The following CACNA2D3 variants were observed in gnomAD, a reference collection of about 807,000 sequenced individuals.
The protein encoded by CACNA2D3 is voltage-dependent calcium channel subunit alpha-2/delta-3.
CACNA2D3 carries 60 observed loss-of-function variants against 160.6 expected under a neutral mutation model. The observed-to-expected ratio is 0.37, with a 90% CI of 0.30 to 0.46. CACNA2D3 has a LOEUF of 0.46. Ranked by LOEUF, CACNA2D3 falls within the 20% of genes least tolerant of loss-of-function variation. The pLI is 1.00. For missense variants in CACNA2D3, 1,205 were observed against 1,365.0 expected (o/e 0.88, Z 1.85); for synonymous variants, 558 against 492.9 (o/e 1.13, Z -1.75).
At chr3:54,269,946 T>A (rs528388590) in intron 2 of CACNA2D3, among the ~76,000 whole-genome samples, 108 of 152,288 alleles carry the variant, frequency 7.1e-4, no homozygotes, top group African/African-American at 2.5e-3. Context: ...TTAGTAGTAA[T>A]CATAATAATA....
intron 10 of CACNA2D3, chr3:54,637,891 C>G (rs1699413871): frequency 6.6e-6 from 1 of 152,006 alleles, no homozygotes. Context: ...TAGGAGGAAT[C>G]CCGGGCTGCG....
chr3:54,206,477 T>C (rs951858227), intron 2 of CACNA2D3, among the ~76,000 whole-genome samples: 2 of 152,154 alleles, frequency 1.3e-5, no homozygotes, highest in Non-Finnish European at 2.9e-5. Context: ...TACTGGCTTT[T>C]CCAAATTATA....
chr3:54,903,042 G>C (rs1465912962), intron 27 of CACNA2D3, among the ~76,000 whole-genome samples: 1 of 152,122 alleles, frequency 6.6e-6, no homozygotes, highest in Non-Finnish European at 1.5e-5. Flanking sequence ...ACCACAGAAT[G>C]AGTAATTTTT....
At chr3:54,821,127 A>G (rs1029305922) in intron 14 of CACNA2D3, among the ~76,000 whole-genome samples, 2 of 152,126 alleles carry the variant, frequency 1.3e-5, no homozygotes, top group East Asian at 1.9e-4. Flanking sequence ...GCAAAAGAAC[A>G]TTTCTTAAAG....
intron 11 of CACNA2D3, among the ~76,000 whole-genome samples, chr3:54,721,842 ATT>A (rs1010288083): frequency 2.0e-5 from 3 of 151,352 alleles, no homozygotes; most frequent in African/African-American, 7.3e-5. Context: ...CTGCCTTAAC[ATT>A]TTTTCCTTCA....
intron 2 of CACNA2D3, among the ~76,000 whole-genome samples, chr3:54,234,989 A>C (rs1398332226): frequency 6.6e-6 from 1 of 152,048 alleles, no homozygotes; most frequent in Non-Finnish European, 1.5e-5. Flanking sequence ...ACAAACCTTC[A>C]CATGTACCCC....
chr3:54,997,312 A>T (rs1385939119), intron 31 of CACNA2D3, among the ~76,000 whole-genome samples: 1 of 152,192 alleles, frequency 6.6e-6, no homozygotes, highest in African/African-American at 2.4e-5. Flanking sequence ...ACCTGTTTGC[A>T]CATTAGAATT....
intron 2 of CACNA2D3, among the ~76,000 whole-genome samples, chr3:54,247,155 CA>C (rs1702098118): frequency 6.6e-6 from 1 of 152,004 alleles, no homozygotes; most frequent in Non-Finnish European, 1.5e-5. Flanking sequence ...ACTAAAAATA[CA>C]AAAATTAGCT....
At chr3:54,457,758 G>C (rs900570031) in intron 4 of CACNA2D3, among the ~76,000 whole-genome samples, 3 of 151,904 alleles carry the variant, frequency 2.0e-5, no homozygotes, top group Admixed American at 1.3e-4. Context: ...ATATACATGT[G>C]CTCTGGTGTT....
At chr3:55,013,675 G>T (rs548588346) in intron 34 of CACNA2D3, among the ~76,000 whole-genome samples, 1 of 152,228 alleles carries the variant, frequency 6.6e-6, no homozygotes, top group African/African-American at 2.4e-5. Flanking sequence ...TTTCCTTAAT[G>T]AAGGGGACTG....
At chr3:54,339,064 C>T (rs754861184) in intron 3 of CACNA2D3, among the ~76,000 whole-genome samples, 1 of 152,164 alleles carries the variant, frequency 6.6e-6, no homozygotes, top group Non-Finnish European at 1.5e-5. Context: ...GAGAACTTGT[C>T]ATCCTCTATG....
At chr3:54,615,002 C>T (rs1698821130) in intron 9 of CACNA2D3, among the ~76,000 whole-genome samples, 2 of 152,300 alleles carry the variant, frequency 1.3e-5, no homozygotes, top group African/African-American at 2.4e-5. Flanking sequence ...TGATCACCTT[C>T]GGACCAATCT....
intron 4 of CACNA2D3, among the ~76,000 whole-genome samples, chr3:54,469,845 A>G (rs570190019): frequency 6.6e-6 from 1 of 152,218 alleles, no homozygotes; most frequent in East Asian, 1.9e-4. Context: ...TTGAAGATCA[A>G]CTTAATGAGA....
intron 4 of CACNA2D3, among the ~76,000 whole-genome samples, chr3:54,460,201 G>A (rs1355722803): frequency 6.6e-6 from 1 of 152,020 alleles, no homozygotes; most frequent in Non-Finnish European, 1.5e-5. Context: ...TTGAAGTCAG[G>A]TAGCGTGATG....
intron 11 of CACNA2D3, among the ~76,000 whole-genome samples, chr3:54,741,229 C>T (rs1369594131): frequency 6.6e-6 from 1 of 152,120 alleles, no homozygotes; most frequent in Non-Finnish European, 1.5e-5. Flanking sequence ...TGTCATCAGG[C>T]GTTATACTCT....
chr3:54,772,411 T>C (rs1199656903), intron 13 of CACNA2D3, among the ~76,000 whole-genome samples: 1 of 152,090 alleles, frequency 6.6e-6, no homozygotes, highest in Non-Finnish European at 1.5e-5. Context: ...CTGGACAAGT[T>C]CAAGATAAAA....
chr3:54,746,403 T>G (rs993452142), intron 11 of CACNA2D3, among the ~76,000 whole-genome samples: 6 of 152,232 alleles, frequency 3.9e-5, no homozygotes, highest in Non-Finnish European at 5.9e-5. Context: ...GAGACCCCTT[T>G]CTAAAGCTGA....
intron 2 of CACNA2D3, among the ~76,000 whole-genome samples, chr3:54,155,330 A>G (rs1700227297): frequency 6.6e-6 from 1 of 152,184 alleles, no homozygotes; most frequent in Admixed American, 6.5e-5. Flanking sequence ...TCTCCACTCA[A>G]GGCTGCAGAC....
At chr3:54,141,760 GT>G (rs1410778586) in intron 2 of CACNA2D3, among the ~76,000 whole-genome samples, 1 of 152,178 alleles carries the variant, frequency 6.6e-6, no homozygotes, top group African/African-American at 2.4e-5. Context: ...CAGAGAAAAT[GT>G]TACTGCCTTG....
Sources: allele counts gnomAD v4.1 joint callset (sites outside exome capture counted in the v4.1 genomes callset), GRCh38; gene constraint gnomAD v4.1.1; transcripts MANE v1.5; gene names NCBI Gene and HGNC (gene_info 2026-07-23, HGNC 2026-07-21).